Variants in TMEM120B observed in about 807,000 individuals in gnomAD.
TMEM120B encodes the protein transmembrane protein 120B.
Under a neutral mutation model 55.5 loss-of-function variants are expected in TMEM120B, and 31 were observed. The observed-to-expected ratio is 0.56, with a 90% CI of 0.42 to 0.75. TMEM120B has a LOEUF of 0.75. TMEM120B is among the 30% of genes least tolerant of loss of function. The probability of loss-of-function intolerance (pLI) is 0.00; values close to 1 mark genes in which losing one functional copy is unlikely to be tolerated. For missense variants in TMEM120B, 399 were observed against 425.5 expected, an observed-to-expected ratio of 0.94 and a Z score of 0.55; for synonymous variants, 203 against 176.3, an observed-to-expected ratio of 1.15 and a Z score of -1.20.
intron 4 of TMEM120B, 56 bp downstream of exon 4, chr12:121,750,495 C>CACCCACACCCCAAACCCCACACTGAGA (rs1873243394): frequency 7.8e-6 from 11 of 1,414,266 alleles, no homozygotes; most frequent in Non-Finnish European, 1.1e-5. Context: ...CCCACACCCA[C>CACCCACACCCCAAACCCCACACTGAGA]ACCCACACCC....
At chr12:121,760,284 G>A (rs1228006762) in intron 5 of TMEM120B, among the ~76,000 whole-genome samples, 2 of 151,214 alleles carry the variant, frequency 1.3e-5, no homozygotes, top group African/African-American at 4.9e-5. Flanking sequence ...GCCTGAGCGA[G>A]ACTCTGTCTC....
intron 1 of TMEM120B, among the ~76,000 whole-genome samples, chr12:121,737,244 G>A (rs774379088): frequency 5.3e-5 from 8 of 152,068 alleles, no homozygotes; most frequent in South Asian, 2.1e-4. Context: ...GGTGGCTTAC[G>A]TCTGTAAACC....
At chr12:121,762,499 G>A (rs1488817889) in intron 6 of TMEM120B, among the ~76,000 whole-genome samples, 1 of 152,214 alleles carries the variant, frequency 6.6e-6, no homozygotes, top group Admixed American at 6.5e-5. Flanking sequence ...TCCAGGTGCA[G>A]AATGGATCAT....
chr12:121,757,039 G>A (rs574132287), intron 5 of TMEM120B, among the ~76,000 whole-genome samples: 43 of 152,032 alleles, frequency 2.8e-4, no homozygotes, highest in African/African-American at 1.0e-3. Flanking sequence ...ACCAGAGAGC[G>A]TCCACAGTCT....
At chr12:121,735,847 C>T (rs971270138) in intron 1 of TMEM120B, among the ~76,000 whole-genome samples, 14 of 152,068 alleles carry the variant, frequency 9.2e-5, no homozygotes, top group African/African-American at 3.4e-4. Context: ...CATACCACCA[C>T]ACACGGCTAA....
rs1266226264 is a variant in TMEM120B, at chr12:121,781,961, G to C, written c.*6239G>C. 3 of 152,146 alleles carry C rather than the reference G, an allele frequency of 2.0e-5. No homozygotes were observed. The highest frequency in any genetic ancestry group is 4.4e-5 in the Non-Finnish European group (3 of 68,030). The allele number at this position is 152,146 out of a possible 1,614,324, so 9.4% of individuals were successfully genotyped here. A position where few individuals can be genotyped will look rare whatever the true frequency, so the allele number is the denominator to read the frequency against. The stretch of plus-strand genomic sequence containing the variant: ...TGAATCCAAATACGGATCTAGGCTT[G>C]AGCTTGGTTGGGTTTGCTTTTTTCT... On this transcript the variant is annotated 3_prime_UTR_variant, in exon 12 of 12. Coordinates refer to ENST00000449592, the MANE Select transcript of TMEM120B (RefSeq NM_001080825.2).
At chr12:121,773,395 G>A (rs1296029178) in intron 8 of TMEM120B, 26 bp from the exon 9 acceptor site, 1 of 1,594,816 alleles carries the variant, frequency 6.3e-7, no homozygotes. Context: ...CAGGCCCTGA[G>A]CCCAGGTGCT....
At chr12:121,720,909 T>C (rs1161911757) in intron 1 of TMEM120B, among the ~76,000 whole-genome samples, 1 of 152,106 alleles carries the variant, frequency 6.6e-6, no homozygotes, top group Non-Finnish European at 1.5e-5. Context: ...ACATGTTGAC[T>C]CCCCAGTCCT....
chr12:121,774,910 C>T (rs1874185316), intron 10 of TMEM120B, 152 bp from the exon 11 acceptor site: 3 of 1,091,226 alleles, frequency 2.7e-6, no homozygotes, highest in African/African-American at 1.6e-5. Flanking sequence ...CTGCCCTGGC[C>T]TCGGGTGCCT....
rs1874197212 is a variant in TMEM120B, at chr12:121,775,191, G to C, written c.906+61G>C. 6.9e-7 allele frequency: 1 copy of C among 1,452,058 alleles called. No homozygotes were observed. Among genetic ancestry groups the C allele is most frequent in the African/African-American group, 1.4e-5 (1 of 69,850 alleles). The allele number at this position is 1,452,058 out of a possible 1,614,324, so 89.9% of individuals were successfully genotyped here. A position where few individuals can be genotyped will look rare whatever the true frequency, so the allele number is the denominator to read the frequency against. ...CGGGAGGGCTGGGGTGGCAGGGATGGGGTGTATGTGTGGCATGCTGGGGTG... is the reference window on the plus strand; with the variant it reads ...CGGGAGGGCTGGGGTGGCAGGGATGCGGTGTATGTGTGGCATGCTGGGGTG... On this transcript the variant is annotated intron_variant, in intron 11 of 11. Coordinates refer to ENST00000449592, the MANE Select transcript of TMEM120B (RefSeq NM_001080825.2). The surrounding 1 kb of genome is among the most constrained non-coding windows in gnomAD (Gnocchi z 4.3).
chr12:121,757,817 AT>A (rs1310923200), intron 5 of TMEM120B, among the ~76,000 whole-genome samples: 5 of 151,988 alleles, frequency 3.3e-5, no homozygotes, highest in African/African-American at 1.2e-4. Context: ...CGCCCAGCCG[AT>A]TTTTTTGTAT....
At chr12:121,715,065 C>G (rs1031287211) in intron 1 of TMEM120B, among the ~76,000 whole-genome samples, 1 of 152,034 alleles carries the variant, frequency 6.6e-6, no homozygotes, top group Non-Finnish European at 1.5e-5. Flanking sequence ...AGGCCCAGCG[C>G]GGCGGCTCAT....
intron 5 of TMEM120B, among the ~76,000 whole-genome samples, chr12:121,752,925 C>A (rs1295803518): frequency 6.6e-6 from 1 of 151,964 alleles, no homozygotes; most frequent in African/African-American, 2.4e-5. Flanking sequence ...CACAGCAAGA[C>A]CCCCATCTCT....
In TMEM120B at chr12:121,780,869, C is replaced by T; in HGVS notation, c.*5147C>T. The stretch of plus-strand genomic sequence containing the variant: ...GTGCCCCAGGGTCTTGGCCCCGGCC[C>T]ACCTGCATGTAGGTGATGGGCTCCA... On this transcript the variant is annotated 3_prime_UTR_variant, in exon 12 of 12. Transcript: ENST00000449592. 6.2e-7 allele frequency: 1 copy of T among 1,612,440 alleles called. No homozygotes were observed.
chr12:121,778,442 C>G lies in TMEM120B; in HGVS notation c.*2720C>G, dbSNP rs1340447792. 7.1e-6 allele frequency: 1 copy of G among 141,626 alleles called. No homozygotes were observed. The highest frequency in any genetic ancestry group is 1.5e-5 in the Non-Finnish European group (1 of 66,616). 8.8% of individuals were successfully genotyped at this position (141,626 alleles called of 1,614,324 possible). A position where few individuals can be genotyped will look rare whatever the true frequency, so the allele number is the denominator to read the frequency against. ...CTCTAGCCTGAGTGACAGAATGAGA[C>G]TCTGTCCCAAAAAAAAAAAAAAAAA... On this transcript the variant is annotated 3_prime_UTR_variant, in exon 12 of 12. Transcript: ENST00000449592.
intron 1 of TMEM120B, among the ~76,000 whole-genome samples, chr12:121,725,107 C>T (rs953988767): frequency 4.6e-5 from 7 of 151,814 alleles, no homozygotes; most frequent in Non-Finnish European, 7.4e-5. Flanking sequence ...CCCTTTTTCC[C>T]CTTTGTTCTG....
chr12:121,727,403 G>A (rs926392506), intron 1 of TMEM120B, among the ~76,000 whole-genome samples: 7 of 151,940 alleles, frequency 4.6e-5, no homozygotes, highest in Admixed American at 1.3e-4. Flanking sequence ...AGGCATGGTC[G>A]TGCGTGCCCA....
rs549752812 is a variant in TMEM120B at position 121,744,956 on chromosome 12, T to C, written c.188+1209T>C. 5.3e-5 allele frequency among the ~76,000 whole-genome samples: 8 copies of C among 152,314 alleles called. No individual in the cohort carries two copies. In the South Asian group the frequency reaches 1.7e-3, roughly 32 times the overall value. On this transcript the variant is annotated intron_variant, in intron 2 of 11. Transcript: ENST00000449592. Reference sequence around the variant, plus strand: ...CTTGGTAATGGCAGGGCTCAGAGTCTAGAGTTTCTTCAGATTCTCAGTGAT... The same window carrying C: ...CTTGGTAATGGCAGGGCTCAGAGTCCAGAGTTTCTTCAGATTCTCAGTGAT...
At position 121,780,599 on chromosome 12, in the gene TMEM120B, C is replaced by T; in HGVS notation, c.*4877C>T. 1 of 540,004 alleles carries T rather than the reference C, an allele frequency of 1.9e-6. No individual in the cohort carries two copies. The highest frequency in any genetic ancestry group is 3.2e-6 in the Non-Finnish European group (1 of 307,732). 33.5% of individuals were successfully genotyped at this position (540,004 alleles called of 1,614,324 possible). ...TCCACTTCTCGCTAGCTGTGTGGCC[C>T]TGGGCAAGCTGCTTAACCTCTCTGG... On this transcript the variant is annotated 3_prime_UTR_variant, in exon 12 of 12. Transcript: ENST00000449592.
Sources: gnomAD v4.1 joint callset for allele counts (sites outside exome capture counted in the v4.1 genomes callset) on GRCh38, gnomAD v4.1.1 for gene constraint, Gnocchi (gnomAD v3.1) non-coding constraint, MANE v1.5 for transcripts, NCBI Gene and HGNC (gene_info 2026-07-23, HGNC 2026-07-21) for gene names.